Variants in CFAP61 observed in about 807,000 individuals in gnomAD.
CFAP61 encodes the protein cilia- and flagella-associated protein 61.
A neutral mutation model predicts 135.6 loss-of-function variants in CFAP61; 107 were observed. The ratio of observed to expected loss-of-function variants is 0.79; its 90% CI spans 0.67 to 0.93. The LOEUF is 0.93. Ranked by LOEUF, CFAP61 falls within the 40% of genes least tolerant of loss-of-function variation. CFAP61 has a pLI of 0.00. For missense variants in CFAP61, 1,507 were observed against 1,556.2 expected (o/e 0.97, Z 0.53); for synonymous variants, 575 against 578.5 (o/e 0.99, Z 0.09).
rs538299245 is a variant in CFAP61 at position 20,332,171 on chromosome 20, G to A, written c.3423-9660G>A. Among the ~76,000 whole-genome samples, 10 of 152,354 alleles carry A rather than the reference G, an allele frequency of 6.6e-5. No individual in the cohort carries two copies. The South Asian group carries it at 2.1e-3, about 32-fold the overall frequency. On this transcript the variant is annotated intron_variant, in intron 25 of 26. Transcript: ENST00000245957. ...TAAGACTCAGTCCTGTACCCTGACG[G>A]CAGACATTGCTGTAAGGCACTGCCA...
Position 20,288,854 on chromosome 20 carries a change from T to C in CFAP61, c.3042T>C (p.Phe1014=), listed in dbSNP as rs1274888987. 4 of 1,614,086 alleles carry C rather than the reference T, an allele frequency of 2.5e-6. No individual in the cohort carries two copies. Among genetic ancestry groups the C allele is most frequent in the Non-Finnish European group, 3.4e-6 (4 of 1,180,044 alleles). The stretch of plus-strand genomic sequence containing the variant: ...TGGCAGCAGCTATGCTACATCTCTT[T>C]GATCCAACCCTTGAGCCTGTGACCG... The part of the protein sequence containing the change: ...FQLAAAMLHL[F]DPTLEPVTEP... Residue 1014 remains phenylalanine, a synonymous_variant, in exon 23 of 27, where the codon TTT becomes TTC. Coordinates refer to ENST00000245957, the MANE Select transcript of CFAP61 (RefSeq NM_015585.4).
chr20:20,085,956 C>T (rs6112751), intron 6 of CFAP61, among the ~76,000 whole-genome samples: 243 of 152,240 alleles, frequency 1.6e-3, no homozygotes, highest in African/African-American at 5.8e-3. Flanking sequence ...GTGAGTTGTT[C>T]CTGGAATGTT....
At chr20:20,078,271 C>G (rs1211296107) in intron 6 of CFAP61, among the ~76,000 whole-genome samples, 6 of 152,180 alleles carry the variant, frequency 3.9e-5, no homozygotes, top group African/African-American at 9.7e-5. Context: ...ATACCCTTGG[C>G]TGAGAGGAGG....
intron 25 of CFAP61, among the ~76,000 whole-genome samples, chr20:20,312,710 G>A (rs1054865879): frequency 6.6e-6 from 1 of 152,090 alleles, no homozygotes; most frequent in African/African-American, 2.4e-5. Flanking sequence ...AAAGACACGG[G>A]CACATTCTTT....
At chr20:20,284,974 G>A (rs187447268) in intron 22 of CFAP61, among the ~76,000 whole-genome samples, 2 of 152,208 alleles carry the variant, frequency 1.3e-5, no homozygotes, top group Admixed American at 6.5e-5. Context: ...TGTATTGTAG[G>A]TCTGCTAAAA....
intron 3 of CFAP61, among the ~76,000 whole-genome samples, chr20:20,073,251 A>C (rs2045844396): frequency 6.6e-6 from 1 of 152,214 alleles, no homozygotes; most frequent in African/African-American, 2.4e-5. Flanking sequence ...CAAGTACTTG[A>C]AATCATGTCG....
At chr20:20,135,016 G>A (rs934491701) in intron 8 of CFAP61, among the ~76,000 whole-genome samples, 8 of 151,668 alleles carry the variant, frequency 5.3e-5, no homozygotes, top group Non-Finnish European at 1.2e-4. Context: ...AAGATCTTGA[G>A]ATAAGGAGAT....
chr20:20,073,010 G>A (rs1032525047), intron 3 of CFAP61, among the ~76,000 whole-genome samples: 1 of 152,102 alleles, frequency 6.6e-6, no homozygotes, highest in Non-Finnish European at 1.5e-5. Context: ...CCAGTATAGA[G>A]CCTTTAAGGC....
intron 6 of CFAP61, among the ~76,000 whole-genome samples, chr20:20,086,535 T>C (rs1429144039): frequency 1.3e-5 from 2 of 151,892 alleles, no homozygotes; most frequent in African/African-American, 2.4e-5. Flanking sequence ...TCTTAGTCAG[T>C]AGAGTCAGAA....
intron 6 of CFAP61, among the ~76,000 whole-genome samples, chr20:20,088,384 G>A (rs2046953822): frequency 6.6e-6 from 1 of 152,192 alleles, no homozygotes; most frequent in South Asian, 2.1e-4. Context: ...CAGCGCTGGG[G>A]AGGCATCAGG....
At chr20:20,240,790 T>C (rs1490458200) in intron 18 of CFAP61, among the ~76,000 whole-genome samples, 2 of 152,192 alleles carry the variant, frequency 1.3e-5, no homozygotes, top group African/African-American at 4.8e-5. Flanking sequence ...TCCCTGGCCA[T>C]GTCACTGAGT....
rs112378614 is a variant in CFAP61 at position 20,186,219 on chromosome 20, C to A, written c.1386-1711C>A. On this transcript the variant is annotated intron_variant, in intron 13 of 26. Transcript: ENST00000245957. ...CCCCCAACAATCACTAACCCACTTT[C>A]TATCATTGTAAATTTGCCTATTCTG... Among the ~76,000 whole-genome samples the A allele has an allele frequency of 2.0e-5, 3 of 152,212 alleles. No individual in the cohort carries two copies. In the South Asian group the frequency reaches 6.2e-4, roughly 32 times the overall value.
intron 25 of CFAP61, among the ~76,000 whole-genome samples, chr20:20,313,944 C>T (rs1168405717): frequency 6.6e-6 from 1 of 152,154 alleles, no homozygotes; most frequent in Non-Finnish European, 1.5e-5. Flanking sequence ...TGAATCCACT[C>T]CCGTGAGAAC....
chr20:20,063,536 T>A (rs1454807845), intron 2 of CFAP61, among the ~76,000 whole-genome samples: 1 of 152,178 alleles, frequency 6.6e-6, no homozygotes, highest in Non-Finnish European at 1.5e-5. Context: ...AATCATTCGA[T>A]AAAATGCAAT....
At chr20:20,052,779 G>A (rs6046572) in intron 1 of CFAP61, 188 bp downstream of exon 1, 628,365 of 1,496,944 alleles carry the variant, frequency 0.42, 134,626 homozygotes, top group Middle Eastern at 0.46. Context: ...GGGGAAGAAG[G>A]GAGAGCGAGG....
chr20:20,331,661 T>C (rs963381546), intron 25 of CFAP61, among the ~76,000 whole-genome samples: 5 of 152,212 alleles, frequency 3.3e-5, no homozygotes, highest in South Asian at 2.1e-4. Context: ...CTATGGAGTT[T>C]GCTAGTTCTT....
At chr20:20,077,006 T>C (rs1473028350) in intron 6 of CFAP61, among the ~76,000 whole-genome samples, 1 of 152,116 alleles carries the variant, frequency 6.6e-6, no homozygotes, top group Non-Finnish European at 1.5e-5. Context: ...GCCCAATAAA[T>C]ATTAAATATT....
At chr20:20,153,779 A>G (rs1019459446) in intron 9 of CFAP61, among the ~76,000 whole-genome samples, 13 of 152,168 alleles carry the variant, frequency 8.5e-5, no homozygotes, top group African/African-American at 3.1e-4. Context: ...TCTATCAGGC[A>G]TTCAAAGAAG....
chr20:20,122,074 A>C (rs537775118), intron 8 of CFAP61, among the ~76,000 whole-genome samples: 5 of 151,764 alleles, frequency 3.3e-5, no homozygotes, highest in African/African-American at 1.2e-4. Flanking sequence ...ATTGTACTCT[A>C]TTTGTAGTCT....
Sources: allele counts gnomAD v4.1 joint callset (sites outside exome capture counted in the v4.1 genomes callset), GRCh38; gene constraint gnomAD v4.1.1; transcripts MANE v1.5; gene names NCBI Gene and HGNC (gene_info 2026-07-23, HGNC 2026-07-21).